The following TMPRSS15 variants were observed in gnomAD, a reference collection of about 807,000 sequenced individuals.
The protein encoded by TMPRSS15 is transmembrane serine protease 15.
In TMPRSS15, 128 loss-of-function variants were observed where a neutral mutation model predicts 125.3. That is an observed-to-expected ratio of 1.02 (90% confidence interval 0.89 to 1.18). The LOEUF is 1.18. Ranked by LOEUF, TMPRSS15 falls within the 50% of genes most tolerant of loss-of-function variation. The pLI is 0.00. For synonymous variants in TMPRSS15, 446 were observed against 423.2 expected (o/e 1.05, Z -0.66); for missense variants, 1,283 against 1,212.7 (o/e 1.06, Z -0.86).
At chr21:18,315,929 A>T (rs1428497047) in intron 16 of TMPRSS15, among the ~76,000 whole-genome samples, 1 of 149,330 alleles carries the variant, frequency 6.7e-6, no homozygotes, top group Non-Finnish European at 1.5e-5. Context: ...GCAAATGACG[A>T]GTTAATGGGT....
Position 18,452,523 on chromosome 21 carries a change from G to A in TMPRSS15, c.10+33276C>T, listed in dbSNP as rs571016522. On this transcript the variant is annotated intron_variant, in intron 1 of 7. Transcript: ENST00000422787. Reference sequence around the variant, plus strand: ...TACAAAAAATAAAAAAATAATATCCGGGCATGGTGGTGGGCACCTGTGGTC... The same window carrying A: ...TACAAAAAATAAAAAAATAATATCCAGGCATGGTGGTGGGCACCTGTGGTC... Among the ~76,000 whole-genome samples the A allele has an allele frequency of 2.2e-4, 33 of 152,170 alleles. 1 individual carries two copies. In the South Asian group the frequency reaches 6.0e-3, roughly 28 times the overall value.
intron 1 of TMPRSS15, among the ~76,000 whole-genome samples, chr21:18,446,440 T>C (rs2076255952): frequency 6.6e-6 from 1 of 151,850 alleles, no homozygotes; most frequent in Non-Finnish European, 1.5e-5. Context: ...TTCAAAGAAA[T>C]AGAAAAAAAT....
At chr21:18,386,306 T>C (rs926698483) in intron 3 of TMPRSS15, among the ~76,000 whole-genome samples, 2 of 152,142 alleles carry the variant, frequency 1.3e-5, no homozygotes, top group African/African-American at 4.8e-5. Flanking sequence ...GGAATCTGTT[T>C]CCCTAATGTG....
At chr21:18,342,086 T>C (rs2075452731) in intron 12 of TMPRSS15, among the ~76,000 whole-genome samples, 1 of 152,126 alleles carries the variant, frequency 6.6e-6, no homozygotes, top group Non-Finnish European at 1.5e-5. Context: ...GGTGTTGATG[T>C]GGGATACTGT....
chr21:18,295,289 C>G (rs114841118), intron 19 of TMPRSS15, among the ~76,000 whole-genome samples: 1,622 of 152,288 alleles, frequency 0.011, 28 homozygotes, highest in African/African-American at 0.038. Context: ...TTTTCAGTGT[C>G]AAGAATTCCA....
At chr21:18,382,153 T>C (rs1205838158) in intron 4 of TMPRSS15, among the ~76,000 whole-genome samples, 1 of 152,142 alleles carries the variant, frequency 6.6e-6, no homozygotes, top group African/African-American at 2.4e-5. Context: ...TAAATGACTG[T>C]GTGAAAAAGG....
chr21:18,365,104 T>C, intron 7 of TMPRSS15, 36 bp downstream of exon 7: 1 of 1,562,678 alleles, frequency 6.4e-7, no homozygotes, highest in Non-Finnish European at 8.8e-7. Flanking sequence ...AAACGCTTTA[T>C]GACTTAAGAA....
chr21:18,402,682 G>A (rs936596090), intron 1 of TMPRSS15, among the ~76,000 whole-genome samples: 3 of 152,076 alleles, frequency 2.0e-5, no homozygotes, highest in Admixed American at 6.6e-5. Context: ...CCCTATAAAT[G>A]AATAAGTGGT....
intron 21 of TMPRSS15, among the ~76,000 whole-genome samples, chr21:18,292,137 C>G (rs2074844741): frequency 6.6e-6 from 1 of 152,212 alleles, no homozygotes; most frequent in Admixed American, 6.5e-5. Context: ...GATGTACTTA[C>G]ACACTGCAAT....
intron 10 of TMPRSS15, among the ~76,000 whole-genome samples, chr21:18,352,335 A>T (rs1174808201): frequency 6.6e-6 from 1 of 152,078 alleles, no homozygotes; most frequent in Non-Finnish European, 1.5e-5. Context: ...CCCTATTAGC[A>T]TGCTTTAGAA....
chr21:18,453,608 T>G (rs990588470), intron 1 of TMPRSS15, among the ~76,000 whole-genome samples: 40 of 152,198 alleles, frequency 2.6e-4, no homozygotes, highest in African/African-American at 7.2e-4. Context: ...CTCAAAAAAT[T>G]AAAAATAGAA....
chr21:18,400,307 A>G (rs555350425), intron 1 of TMPRSS15, among the ~76,000 whole-genome samples: 134 of 152,308 alleles, frequency 8.8e-4, no homozygotes, highest in Non-Finnish European at 1.6e-3. Flanking sequence ...GAGGCATCAC[A>G]TTACGCAACT....
chr21:18,329,318 A>G, intron 14 of TMPRSS15, 24 bp from the exon 15 acceptor site: 1 of 1,601,846 alleles, frequency 6.2e-7, no homozygotes, highest in Non-Finnish European at 8.5e-7. Context: ...AGTAACATTT[A>G]ATTTGGAACA....
chr21:18,387,299 C>A (rs1026907007), intron 3 of TMPRSS15, among the ~76,000 whole-genome samples: 13 of 152,022 alleles, frequency 8.6e-5, no homozygotes, highest in Non-Finnish European at 1.5e-4. Context: ...GCAGAGAAAT[C>A]CTACTATGGT....
chr21:18,303,415 T>C (rs1015579171), intron 18 of TMPRSS15, among the ~76,000 whole-genome samples: 2 of 152,098 alleles, frequency 1.3e-5, no homozygotes, highest in African/African-American at 4.8e-5. Flanking sequence ...AAAAAGGGGA[T>C]ATTATTTCAT....
chr21:18,340,460 C>T (rs1407399905), intron 13 of TMPRSS15, among the ~76,000 whole-genome samples: 1 of 152,096 alleles, frequency 6.6e-6, no homozygotes, highest in Non-Finnish European at 1.5e-5. Flanking sequence ...CTTTTTTGCT[C>T]TAAGCTTGCA....
At chr21:18,396,808 G>GTCTGTCTGTCTGTCTGTCTATCTA (rs1461927983) in intron 3 of TMPRSS15, among the ~76,000 whole-genome samples, 3,774 of 107,694 alleles carry the variant, frequency 0.035, 134 homozygotes, top group East Asian at 0.092. Context: ...CTGTCTGTCT[G>GTCTGTCTGTCTGTCTGTCTATCTA]TCTATCTATC....
chr21:18,449,739 T>C (rs2076263337), intron 1 of TMPRSS15, among the ~76,000 whole-genome samples: 1 of 152,020 alleles, frequency 6.6e-6, no homozygotes, highest in African/African-American at 2.4e-5. Flanking sequence ...ATCTTGGCAA[T>C]GGAAAATTTT....
At chr21:18,427,559 T>C (rs943737786) in intron 1 of TMPRSS15, among the ~76,000 whole-genome samples, 2 of 152,194 alleles carry the variant, frequency 1.3e-5, no homozygotes, top group Non-Finnish European at 2.9e-5. Flanking sequence ...GCAAAAACAT[T>C]CATTACTACT....
Sources: gnomAD v4.1 joint callset for allele counts (sites outside exome capture counted in the v4.1 genomes callset) on GRCh38, gnomAD v4.1.1 for gene constraint, MANE v1.5 for transcripts, NCBI Gene and HGNC (gene_info 2026-07-23, HGNC 2026-07-21) for gene names.